TRIM77: variants seen among roughly 807,000 people sequenced by gnomAD.
The protein encoded by TRIM77 is tripartite motif-containing protein 77.
A neutral mutation model predicts 31.8 loss-of-function variants in TRIM77; 23 were observed. The observed-to-expected ratio is 0.72, with a 90% confidence interval of 0.52 to 1.02. The LOEUF is 1.02. TRIM77 is among the 50% of genes least tolerant of loss of function. TRIM77 has a pLI of 0.00. For missense variants in TRIM77, 446 were observed against 539.2 expected (o/e 0.83, Z 1.71); for synonymous variants, 159 against 183.1 (o/e 0.87, Z 1.06).
chr11:89,712,738 A>G (rs1160010174), intron 2 of TRIM77, among the ~76,000 whole-genome samples: 1 of 152,154 alleles, frequency 6.6e-6, no homozygotes, highest in Non-Finnish European at 1.5e-5. Context: ...AGTTCTTGGT[A>G]AGTTGTAATG....
chr11:89,716,748 G>A (rs561154293), intron 5 of TRIM77, among the ~76,000 whole-genome samples: 112 of 152,270 alleles, frequency 7.4e-4, no homozygotes, highest in African/African-American at 2.7e-3. Flanking sequence ...CAAGTGTGAA[G>A]CCCTCCCATC....
At position 89,717,461 on chromosome 11, in the gene TRIM77, T is replaced by C; in HGVS notation, c.942T>C (p.Asp314=). Residue 314 remains aspartate, a synonymous_variant, in exon 6 of 6, where the codon GAT becomes GAC. Transcript: ENST00000398290. ...EDLRHLQCSL[D]DTDMSCNPTS... ...TAAGGCATTTGCAGTGCAGCCTTGA[T>C]GATACAGACATGTCCTGTAATCCAA... The C allele has an allele frequency of 6.4e-7, 1 of 1,551,572 alleles. No individual in the cohort carries two copies. Among genetic ancestry groups the C allele is most frequent in the Non-Finnish European group, 8.7e-7 (1 of 1,146,876 alleles).
At chr11:89,713,145 G>A (rs113206678) in intron 2 of TRIM77, among the ~76,000 whole-genome samples, 3 of 151,762 alleles carry the variant, frequency 2.0e-5, no homozygotes, top group African/African-American at 4.8e-5. Context: ...GGTGGTGTGC[G>A]CCTGTAGTCC....
chr11:89,714,379 A>C lies in TRIM77; in HGVS notation c.695A>C (p.Lys232Thr). Residue 232 changes from lysine to threonine, a missense_variant, in exon 3 of 6, where the codon AAA becomes ACA. By Grantham distance (78) the Lys-to-Thr change is moderately conservative. Transcript: ENST00000398290. ...MGILLREMYE[K>T]LKEMSCKADV... ...ATACTCCTGAGAGAAATGTATGAGA[A>C]ACTGAAGGAAATGAGCTGTAAAGCA... is the stretch of plus-strand genomic sequence containing the variant. The C allele has an allele frequency of 6.4e-7, 1 of 1,551,698 alleles. No homozygotes were observed. The highest frequency in any genetic ancestry group is 2.4e-5 in the East Asian group (1 of 40,910).
chr11:89,710,537 C>G lies in TRIM77; in HGVS notation c.239C>G (p.Ser80Ter). The G allele has an allele frequency of 6.4e-7, 1 of 1,551,712 alleles. No homozygotes were observed. Among genetic ancestry groups the G allele is most frequent in the Non-Finnish European group, 8.7e-7 (1 of 1,146,974 alleles). Residue 80 changes from serine to a stop codon, truncating the protein, a stop_gained, in exon 1 of 6, where the codon TCA becomes TGA. Transcript: ENST00000398290. LOFTEE classifies it high-confidence loss of function. ...AAACAAGTTATTCCTACAAGAGAAT[C>G]AGTCCCCTGCCAGTTATCAAGCTCT... The part of the protein sequence containing the change: ...AEKQVIPTRE[S>*]VPCQLSSSAM...
Position 89,717,631 on chromosome 11 carries a change from A to T in TRIM77, c.1112A>T (p.Asp371Val). The change falls in exon 6 of 6, where the codon GAC becomes GTC. Residue 371 changes from aspartate (D) to valine (V), a missense_variant. By Grantham distance (152) the Asp-to-Val change is radical (BLOSUM62 -3). This residue lies in a region of TRIM77 where 366 missense variants were observed against 447.9 expected (regional missense o/e 0.82). Coordinates refer to ENST00000398290, the MANE Select transcript of TRIM77 (RefSeq NM_001146162.1). ...ACAAAGAGGAATGACATGCGACTTG[A>T]CTCTGAGGGTATCTTTCTACTCCTG... ...AWTKRNDMRL[D>V]SEGIFLLLCL... 1 of 1,551,160 alleles carries T rather than the reference A, an allele frequency of 6.4e-7. No homozygotes were observed. The highest frequency in any genetic ancestry group is 8.7e-7 in the Non-Finnish European group (1 of 1,146,716).
intron 2 of TRIM77, among the ~76,000 whole-genome samples, chr11:89,713,027 A>G (rs1338112285): frequency 6.6e-6 from 1 of 152,114 alleles, no homozygotes; most frequent in Non-Finnish European, 1.5e-5. Flanking sequence ...TAATCCCAGG[A>G]CTTTGGGAGG....
intron 2 of TRIM77, among the ~76,000 whole-genome samples, chr11:89,712,012 G>A (rs1949125986): frequency 6.6e-6 from 1 of 152,162 alleles, no homozygotes; most frequent in Admixed American, 6.5e-5. Flanking sequence ...AAAAGAGTCA[G>A]GCAGTGGTGA....
At chr11:89,714,167 T>C (rs1236488498) in intron 2 of TRIM77, 25 bp from the exon 3 acceptor site, 3 of 1,468,468 alleles carry the variant, frequency 2.0e-6, no homozygotes, top group African/African-American at 1.4e-5. Context: ...AGACACATGA[T>C]TTAATTAATC....
chr11:89,715,312 C>T lies in TRIM77; in HGVS notation c.761+132C>T, dbSNP rs1222348161. On this transcript the variant is annotated intron_variant, in intron 4 of 5. Transcript: ENST00000398290. ...CCTTTCTTATCAAAGGTCATCCAGG[C>T]TTTATATATTGACTACTTCAGATGA... 4 of 799,144 alleles carry T rather than the reference C, an allele frequency of 5.0e-6. No homozygotes were observed. In the East Asian group the frequency reaches 1.1e-4, roughly 21 times the overall value. 49.5% of individuals were successfully genotyped at this position (799,144 alleles called of 1,614,324 possible). A position where few individuals can be genotyped will look rare whatever the true frequency, so the allele number is the denominator to read the frequency against.
At chr11:89,715,251 C>T in intron 4 of TRIM77, 71 bp downstream of exon 4, 1 of 1,409,004 alleles carries the variant, frequency 7.1e-7, no homozygotes, top group Non-Finnish European at 9.8e-7. Flanking sequence ...GGGATCGACC[C>T]ACACTTTTAG....
chr11:89,710,727 A>T lies in TRIM77; in HGVS notation c.411+18A>T. On this transcript the variant is annotated intron_variant, in intron 1 of 5. Transcript: ENST00000398290. ...ACTATAGGGTAAGTAAATGCTACTG[A>T]TTGCACTTTGAAATGTGAAGAACCC... 4.7e-6 allele frequency: 7 copies of T among 1,495,648 alleles called. No individual in the cohort carries two copies. Among genetic ancestry groups the T allele is most frequent in the Non-Finnish European group, 6.3e-6 (7 of 1,118,092 alleles). The allele number at this position is 1,495,648 out of a possible 1,614,324, so 92.6% of individuals were successfully genotyped here.
rs918000360 is a variant in TRIM77, at chr11:89,717,868, A to G, written c.1349A>G (p.Lys450Arg). Residue 450 changes from lysine (K) to arginine (R), a missense_variant, in exon 6 of 6, where the codon AAA (lysine) becomes AGA (arginine). By Grantham distance (26) the Lys-to-Arg change is conservative. Transcript: ENST00000398290. The part of the protein sequence containing the change: ...PLRPFICHGS[K>R] ...AGACCTTTCATTTGCCACGGATCTA[A>G]ATAATCAGGGACAGGTCACAAACCT... is the stretch of plus-strand genomic sequence containing the variant. 38 of 1,529,214 alleles carry G rather than the reference A, an allele frequency of 2.5e-5. No homozygotes were observed. In the African/African-American group the frequency reaches 4.6e-4, roughly 18 times the overall value. The allele number at this position is 1,529,214 out of a possible 1,614,324, so 94.7% of individuals were successfully genotyped here.
rs1472524990 is a variant in TRIM77 at position 89,714,141 on chromosome 11, A to G, written c.508-51A>G. ...AACAAAGCAGAATAGCTGATAAGGAAAGAATAAAACCACTTAGACACATGA... is the reference window on the plus strand; with the variant it reads ...AACAAAGCAGAATAGCTGATAAGGAGAGAATAAAACCACTTAGACACATGA... On this transcript the variant is annotated intron_variant, in intron 2 of 5. Coordinates refer to ENST00000398290, the MANE Select transcript of TRIM77 (RefSeq NM_001146162.1). The G allele has an allele frequency of 5.8e-5, 73 of 1,251,180 alleles. No homozygotes were observed. In the East Asian group the frequency reaches 1.8e-3, roughly 31 times the overall value. The allele number at this position is 1,251,180 out of a possible 1,614,324, so 77.5% of individuals were successfully genotyped here.
intron 3 of TRIM77, 68 bp downstream of exon 3, chr11:89,714,490 T>C (rs1949147771): frequency 3.7e-6 from 4 of 1,072,228 alleles, no homozygotes; most frequent in Non-Finnish European, 4.0e-6. Context: ...CTAGAGTCTA[T>C]ATCCTTTTTG....
chr11:89,713,456 AATAATAATAATAATAATAATAAT>A (rs1949137893), intron 2 of TRIM77, among the ~76,000 whole-genome samples: 3 of 19,050 alleles, frequency 1.6e-4, no homozygotes, highest in Non-Finnish European at 3.7e-4. Flanking sequence ...ACCTTGTCTC[AATAATAATAATAATAATAATAAT>A]AATAATAATA....
In TRIM77 at chr11:89,717,521, G is replaced by C; in HGVS notation, c.1002G>C (p.Gln334His). Residue 334 changes from glutamine to histidine, a missense_variant, in exon 6 of 6, where the codon CAG becomes CAC. Around this residue, in one of 3 missense-constraint regions of TRIM77, gnomAD observed 366 missense variants for 447.9 expected, o/e 0.82. Transcript: ENST00000398290. ...AGTATACTTCTTCATGGGGAGCTCA[G>C]ATCCTCAGCTCTGGCAAACATTACT... Reference protein sequence around the residue: ...STQYTSSWGAQILSSGKHYWE... With the variant: ...STQYTSSWGAHILSSGKHYWE... 1 of 1,551,548 alleles carries C rather than the reference G, an allele frequency of 6.4e-7. No individual in the cohort carries two copies. The highest frequency in any genetic ancestry group is 8.7e-7 in the Non-Finnish European group (1 of 1,146,912).
chr11:89,714,114 G>T lies in TRIM77; in HGVS notation c.508-78G>T, dbSNP rs192843517. 2.9e-4 allele frequency: 274 copies of T among 951,368 alleles called. 1 individual carries two copies. In the African/African-American group the frequency reaches 4.0e-3, roughly 14 times the overall value. 58.9% of individuals were successfully genotyped at this position (951,368 alleles called of 1,614,324 possible). A position where few individuals can be genotyped will look rare whatever the true frequency, so the allele number is the denominator to read the frequency against. ...TATTTAGTAGAATAGCACAAAACAT[G>T]AAACAAAGCAGAATAGCTGATAAGG... On this transcript the variant is annotated intron_variant, in intron 2 of 5. Coordinates refer to ENST00000398290, the MANE Select transcript of TRIM77 (RefSeq NM_001146162.1).
chr11:89,712,027 T>C (rs2134542857), intron 2 of TRIM77, among the ~76,000 whole-genome samples: 1 of 152,208 alleles, frequency 6.6e-6, no homozygotes, highest in East Asian at 1.9e-4. Flanking sequence ...TGGTGAGAGA[T>C]ATGGCTATAA....
Sources: gnomAD v4.1 joint callset for allele counts (sites outside exome capture counted in the v4.1 genomes callset) on GRCh38, gnomAD v4.1.1 for gene constraint, gnomAD v4.1.1 regional missense constraint, MANE v1.5 for transcripts, NCBI Gene and HGNC (gene_info 2026-07-23, HGNC 2026-07-21) for gene names.